ZNF30: variants seen among roughly 807,000 people sequenced by gnomAD.
ZNF30 encodes the protein zinc finger protein 30 (KOX 28).
A neutral mutation model predicts 13.2 loss-of-function variants in ZNF30; 15 were observed. That is an observed-to-expected ratio of 1.13 (90% confidence interval 0.76 to 1.75). The LOEUF is 1.75. Among genes scored for constraint, ZNF30 ranks in the 40% most tolerant of loss-of-function variants. The pLI is 0.00. For missense variants in ZNF30, 726 were observed against 757.0 expected (o/e 0.96, Z 0.48); for synonymous variants, 223 against 256.6 (o/e 0.87, Z 1.25).
chr19:34,927,088 C>T lies in ZNF30; in HGVS notation c.-193C>T, dbSNP rs981428154. ...CCCGGCAGCGAGCTTTGGAGTTCAT[C>T]GAGGGAGAAGTCAGCGCCCAGCTCC... On this transcript the variant is annotated 5_prime_UTR_variant, in exon 1 of 5. Transcript: ENST00000601142. 1.8e-5 allele frequency: 7 copies of T among 398,346 alleles called. No homozygotes were observed. The highest frequency in any genetic ancestry group is 6.3e-4 in the Middle Eastern group (1 of 1,588). 24.7% of individuals were successfully genotyped at this position (398,346 alleles called of 1,614,324 possible).
Position 34,943,115 on chromosome 19 carries a change from T to C in ZNF30, c.257-108T>C, listed in dbSNP as rs2013128105. The C allele has an allele frequency of 3.9e-6, 3 of 774,534 alleles. No homozygotes were observed. In the East Asian group the frequency reaches 8.6e-5, roughly 22 times the overall value. The allele number at this position is 774,534 out of a possible 1,614,324, so 48.0% of individuals were successfully genotyped here. A position where few individuals can be genotyped will look rare whatever the true frequency, so the allele number is the denominator to read the frequency against. On this transcript the variant is annotated intron_variant, in intron 4 of 4. Transcript: ENST00000601142. Reference sequence around the variant, plus strand: ...TGAATTTCATAATGGTGTTTTAATATTACTGAGCTATTTATTTCTAGTTGG... The same window carrying C: ...TGAATTTCATAATGGTGTTTTAATACTACTGAGCTATTTATTTCTAGTTGG...
chr19:34,944,825 G>A lies in ZNF30; in HGVS notation c.1859G>A (p.Ser620Asn), dbSNP rs1461612677. ...AAAGTGCATCTGAGAAAACATATGA[G>A]TGTTATACCCTAAGAGTCTGAGGAG... ...ALKVHLRKHM[S>N]VIP Residue 620 changes from serine (S) to asparagine (N), a missense_variant, in exon 5 of 5, where the codon AGT becomes AAT. Physicochemically the swap from Ser to Asn is conservative, Grantham distance 46. Transcript: ENST00000601142. The A allele has an allele frequency of 1.9e-6, 3 of 1,597,778 alleles. No homozygotes were observed. Among genetic ancestry groups the A allele is most frequent in the Non-Finnish European group, 2.6e-6 (3 of 1,169,114 alleles).
At chr19:34,924,295 A>C (rs943453643), upstream of ZNF30, among the ~76,000 whole-genome samples, 1 of 152,056 alleles carries the variant, frequency 6.6e-6, no homozygotes, top group Non-Finnish European at 1.5e-5. Flanking sequence ...AAAAAACCCT[A>C]TGATTTAAAA....
rs1214525076 is a variant in ZNF30, at chr19:34,944,347, T to C, written c.1381T>C (p.Cys461Arg). Residue 461 changes from cysteine (C) to arginine (R), a missense_variant, in exon 5 of 5, where the codon TGT becomes CGT. Transcript: ENST00000601142. ...AGAGAAACCCTATGAGTGTAAGGAA[T>C]GTGGCAAGGCCTTCAGAGTGCACGT... The part of the protein sequence containing the change: ...TGEKPYECKE[C>R]GKAFRVHVHL... 4 of 1,614,076 alleles carry C rather than the reference T, an allele frequency of 2.5e-6. No homozygotes were observed. Among genetic ancestry groups the C allele is most frequent in the Non-Finnish European group, 8.5e-7 (1 of 1,180,050 alleles).
intron 1 of ZNF30, among the ~76,000 whole-genome samples, chr19:34,928,232 T>TATATATATAGATAG (rs2012209433): frequency 1.5e-5 from 1 of 66,554 alleles, no homozygotes; most frequent in African/African-American, 1.4e-4. Flanking sequence ...TATATATATA[T>TATATATATAGATAG]ATATATATAT....
rs372307024 is a variant in ZNF30 at position 34,944,501 on chromosome 19, A to G, written c.1535A>G (p.Tyr512Cys). 3.7e-5 allele frequency: 59 copies of G among 1,612,774 alleles called. No individual in the cohort carries two copies. Among genetic ancestry groups the G allele is most frequent in the African/African-American group, 2.4e-4 (18 of 74,554 alleles). Reference protein sequence around the residue: ...HSRIHTGKKPYECKECGKAFS... With the variant: ...HSRIHTGKKPCECKECGKAFS... ...AGAATCCATACTGGTAAGAAGCCCT[A>G]TGAGTGTAAGGAGTGTGGCAAGGCC... Residue 512 changes from tyrosine to cysteine, a missense_variant, in exon 5 of 5, where the codon TAT becomes TGT. Tyr to Cys is a radical substitution (Grantham distance 194). Coordinates refer to ENST00000601142, the MANE Select transcript of ZNF30 (RefSeq NM_194325.3).
chr19:34,938,454 CT>C (rs2012855929), intron 4 of ZNF30, among the ~76,000 whole-genome samples: 1 of 151,852 alleles, frequency 6.6e-6, no homozygotes, highest in Non-Finnish European at 1.5e-5. Context: ...GATTTGGGAA[CT>C]TTTTTTGCAT....
In ZNF30 at chr19:34,944,057, G is replaced by A. The variant is rs374854969; in HGVS notation, c.1091G>A (p.Arg364Gln). 9.3e-6 allele frequency: 15 copies of A among 1,614,080 alleles called. 1 individual carries two copies. Among genetic ancestry groups the A allele is most frequent in the African/African-American group, 5.3e-5 (4 of 75,008 alleles). ...RLSSFLHAHQ[R>Q]IHAEIKPYGC... Reference sequence around the variant, plus strand: ...AGTTCCTTCCTTCATGCACATCAGCGAATTCATGCAGAGATAAAGCCCTAC... The same window carrying A: ...AGTTCCTTCCTTCATGCACATCAGCAAATTCATGCAGAGATAAAGCCCTAC... The change falls in exon 5 of 5, where the codon CGA (arginine) becomes CAA (glutamine). Residue 364 changes from arginine (R) to glutamine (Q), a missense_variant. Arg to Gln is a conservative substitution (Grantham distance 43). Transcript: ENST00000601142.
At position 34,935,182 on chromosome 19, in the gene ZNF30, G is replaced by A. The variant is rs370270489; in HGVS notation, c.256+1459G>A. ...GGAGGCGGAGCTTGCAGTGAGCCAA[G>A]ATTGTGCCACTGCACTCCAGCCTGG... On this transcript the variant is annotated intron_variant, in intron 4 of 4. Coordinates refer to ENST00000601142, the MANE Select transcript of ZNF30 (RefSeq NM_194325.3). Among the ~76,000 whole-genome samples the A allele has an allele frequency of 2.2e-3, 327 of 151,832 alleles. 2 individuals carry two copies. The highest frequency in any genetic ancestry group is 7.5e-3 in the African/African-American group (311 of 41,370).
In ZNF30 at chr19:34,927,026, A is replaced by G. The variant is rs540227109; in HGVS notation, c.-255A>G. ...TCTCAGCGGCCACTGGAACGACCTCAATCTCTGCCTCCTCGCCAGTTCATT... is the reference window on the plus strand; with the variant it reads ...TCTCAGCGGCCACTGGAACGACCTCGATCTCTGCCTCCTCGCCAGTTCATT... On this transcript the variant is annotated 5_prime_UTR_variant, in exon 1 of 5. Transcript: ENST00000601142. 8 of 398,582 alleles carry G rather than the reference A, an allele frequency of 2.0e-5. No homozygotes were observed. The South Asian group carries it at 1.0e-3, about 51-fold the overall frequency. The allele number at this position is 398,582 out of a possible 1,614,324, so 24.7% of individuals were successfully genotyped here.
chr19:34,927,755 C>G (rs2012153747), intron 1 of ZNF30, among the ~76,000 whole-genome samples: 1 of 152,170 alleles, frequency 6.6e-6, no homozygotes, highest in Non-Finnish European at 1.5e-5. Context: ...AGCAGTAGCT[C>G]TCTCTCTCTA....
At position 34,944,679 on chromosome 19, in the gene ZNF30, G is replaced by A. The variant is rs754943437; in HGVS notation, c.1713G>A (p.Lys571=). The change falls in exon 5 of 5, where the codon AAG becomes AAA. Residue 571 remains lysine (K), a synonymous_variant. Transcript: ENST00000601142. ...VHTGEKPFEC[K]ECGKAFRLNS... is the part of the protein sequence containing the mutation. ...CTGGTGAGAAACCTTTTGAATGTAA[G>A]GAATGCGGGAAGGCCTTTAGACTTA... 5 of 1,612,430 alleles carry A rather than the reference G, an allele frequency of 3.1e-6. No individual in the cohort carries two copies. The South Asian group carries it at 5.5e-5, about 18-fold the overall frequency.
chr19:34,934,745 A>G (rs1600223116), intron 4 of ZNF30, among the ~76,000 whole-genome samples: 1 of 152,190 alleles, frequency 6.6e-6, no homozygotes, highest in South Asian at 2.1e-4. Context: ...TCTGGTCAAA[A>G]GATAAAACAT....
At chr19:34,934,555 G>A (rs751592799) in intron 4 of ZNF30, among the ~76,000 whole-genome samples, 5 of 152,132 alleles carry the variant, frequency 3.3e-5, no homozygotes, top group Admixed American at 1.3e-4. Context: ...ATGAGCCATC[G>A]TGCCTGGCCA....
At position 34,929,935 on chromosome 19, in the gene ZNF30, C is replaced by A. The variant is rs1490350695; in HGVS notation, c.-13C>A. ...CCCAGTGAAGACTGATCAGTTCTTA[C>A]AATTCTCAAAGCATGGCCCATGTAA... On this transcript the variant is annotated 5_prime_UTR_variant, in exon 2 of 5. Transcript: ENST00000601142. 7 of 1,606,960 alleles carry A rather than the reference C, an allele frequency of 4.4e-6. No homozygotes were observed. The highest frequency in any genetic ancestry group is 2.2e-5 in the East Asian group (1 of 44,812).
Position 34,944,491 on chromosome 19 carries a change from A to G in ZNF30, c.1525A>G (p.Lys509Glu). 6.2e-7 allele frequency: 1 copy of G among 1,605,122 alleles called. No individual in the cohort carries two copies. The highest frequency in any genetic ancestry group is 8.5e-7 in the Non-Finnish European group (1 of 1,176,836). Residue 509 changes from lysine (K) to glutamate (E), a missense_variant, in exon 5 of 5, where the codon AAG becomes GAG. Lys to Glu is a moderately conservative substitution (Grantham distance 56). Transcript: ENST00000601142. ...ACAACATAGCAGAATCCATACTGGT[A>G]AGAAGCCCTATGAGTGTAAGGAGTG... ...LVQHSRIHTG[K>E]KPYECKECGK... is the part of the protein sequence containing the mutation.
intron 4 of ZNF30, among the ~76,000 whole-genome samples, chr19:34,936,317 A>T (rs1466846780): frequency 2.0e-5 from 3 of 152,182 alleles, no homozygotes; most frequent in Non-Finnish European, 4.4e-5. Flanking sequence ...AGTGTTCATC[A>T]TACATTTTAA....
At chr19:34,926,464 G>C (rs1186202010), upstream of ZNF30, among the ~76,000 whole-genome samples, 1 of 152,096 alleles carries the variant, frequency 6.6e-6, no homozygotes, top group Admixed American at 6.5e-5. Flanking sequence ...ATCTTAGATA[G>C]AACCCACAAA....
chr19:34,941,588 G>C (rs370872526), intron 4 of ZNF30, among the ~76,000 whole-genome samples: 14 of 152,158 alleles, frequency 9.2e-5, no homozygotes, highest in Admixed American at 6.5e-4. Flanking sequence ...CACAAACTCA[G>C]GTCCAGTTTC....
Sources: allele counts gnomAD v4.1 joint callset (sites outside exome capture counted in the v4.1 genomes callset), GRCh38; gene constraint gnomAD v4.1.1; transcripts MANE v1.5; gene names NCBI Gene and HGNC (gene_info 2026-07-23, HGNC 2026-07-21).